Variants in ENG observed in about 807,000 individuals in gnomAD.
ENG encodes CD105 antigen.
In ENG, 17 loss-of-function variants were observed where a neutral mutation model predicts 71.0. That is an observed-to-expected ratio of 0.24 (90% CI 0.16 to 0.36). The LOEUF is 0.36. Among genes scored for constraint, ENG ranks in the 10% least tolerant of loss-of-function variants. The pLI, the probability that ENG is intolerant of heterozygous loss-of-function variation, is 1.00. For missense variants in ENG, 749 were observed against 868.3 expected (o/e 0.86, Z 1.73); for synonymous variants, 360 against 366.9 (o/e 0.98, Z 0.21).
In ENG at chr9:127,824,838, G is replaced by C. The variant is rs1830567408; in HGVS notation, c.953C>G (p.Pro318Arg). The C allele has an allele frequency of 6.3e-7, 1 of 1,596,242 alleles. No homozygotes were observed. The highest frequency in any genetic ancestry group is 8.5e-7 in the Non-Finnish European group (1 of 1,171,310). The change falls in exon 7 of 15, where the codon CCG (proline) becomes CGG (arginine). Residue 318 changes from proline (P) to arginine (R), a missense_variant. Coordinates refer to ENST00000373203, the MANE Select transcript of ENG (RefSeq NM_001114753.3). ...ATGAAGTGAGACAATGCTGGCCAGC[G>C]GTAGCTCCACGAAGGATGCCACAAT... ...ASIVASFVEL[P>R]LASIVSLHAS...
intron 2 of ENG, among the ~76,000 whole-genome samples, chr9:127,831,669 A>T (rs1298671409): frequency 6.8e-6 from 1 of 146,906 alleles, no homozygotes; most frequent in Non-Finnish European, 1.5e-5. Flanking sequence ...ACAGGTGTGA[A>T]CCACCCTGCC....
In ENG at chr9:127,815,236, G is replaced by C. The variant is rs1323560912; in HGVS notation, c.*446C>G. The C allele has an allele frequency of 6.1e-6, 1 of 162,918 alleles. No homozygotes were observed. Among genetic ancestry groups the C allele is most frequent in the Non-Finnish European group, 1.3e-5 (1 of 74,926 alleles). 10.1% of individuals were successfully genotyped at this position (162,918 alleles called of 1,614,324 possible). On this transcript the variant is annotated 3_prime_UTR_variant, in exon 15 of 15. Coordinates refer to ENST00000373203, the MANE Select transcript of ENG (RefSeq NM_001114753.3). ...GCCAGTTAGTTAGGCAAGTTCAGGT[G>C]TGGAGGCCGCAGGGATAGATCCAGG... is the stretch of plus-strand genomic sequence containing the variant.
rs1485769992 is a variant in ENG at position 127,854,383 on chromosome 9, G to A, written c.-28C>T. The A allele has an allele frequency of 1.3e-6, 2 of 1,565,658 alleles. No homozygotes were observed. Among genetic ancestry groups the A allele is most frequent in the Non-Finnish European group, 1.7e-6 (2 of 1,155,358 alleles). On this transcript the variant is annotated 5_prime_UTR_variant, in exon 1 of 15. Coordinates refer to ENST00000373203, the MANE Select transcript of ENG (RefSeq NM_001114753.3). The stretch of plus-strand genomic sequence containing the variant: ...TGTCCACGTGGGGGCCTGTGCGCTG[G>A]GCCTTATCCTGTGTCCAGTGGCAGG...
intron 7 of ENG, 92 bp downstream of exon 7, chr9:127,824,708 T>C: frequency 7.3e-7 from 1 of 1,372,718 alleles, no homozygotes; most frequent in African/African-American, 1.5e-5. Context: ...TGATGTACCT[T>C]GCCCAAGCTC....
At chr9:127,824,622 G>A (rs534497947) in intron 7 of ENG, among the ~76,000 whole-genome samples, 176 bp from the exon 8 acceptor site, 4 of 149,024 alleles carry the variant, frequency 2.7e-5, no homozygotes, top group African/African-American at 7.4e-5. Flanking sequence ...AGGTTCAAGC[G>A]ATTCTCAGGC....
At chr9:127,830,552 C>A (rs945279930) in intron 2 of ENG, among the ~76,000 whole-genome samples, 8 of 151,318 alleles carry the variant, frequency 5.3e-5, no homozygotes, top group Admixed American at 4.0e-4. Flanking sequence ...GAGGCTGAGG[C>A]AGGAGAATCT....
Position 127,820,020 on chromosome 9 carries a change from G to A in ENG, c.1152C>T (p.Ile384=), listed in dbSNP as rs1830434931. The A allele has an allele frequency of 1.2e-6, 2 of 1,614,076 alleles. No individual in the cohort carries two copies. The highest frequency in any genetic ancestry group is 3.3e-4 in the Middle Eastern group (2 of 6,062). Residue 384 remains isoleucine, a synonymous_variant, in exon 9 of 15, where the codon ATC becomes ATT. Coordinates refer to ENST00000373203, the MANE Select transcript of ENG (RefSeq NM_001114753.3). The part of the protein sequence containing the change: ...KELVAHLKCT[I]TGLTFWDPSC... ...TGGGGTCCCAGAAGGTCAGGCCCGTGATGGTGCACTTCAAATGCTGGGTCG... is the reference window on the plus strand; with the variant it reads ...TGGGGTCCCAGAAGGTCAGGCCCGTAATGGTGCACTTCAAATGCTGGGTCG...
chr9:127,853,855 C>G (rs982902486), intron 1 of ENG, among the ~76,000 whole-genome samples: 1 of 152,214 alleles, frequency 6.6e-6, no homozygotes, highest in Non-Finnish European at 1.5e-5. Flanking sequence ...CAGGATCACA[C>G]CACAAGGAAG....
At chr9:127,816,839 T>G (rs2131873243) in intron 13 of ENG, 1 of 484,144 alleles carries the variant, frequency 2.1e-6, no homozygotes, top group East Asian at 3.9e-5. Flanking sequence ...CCCAGGAGAC[T>G]CCATCCTCCC....
At chr9:127,828,929 G>C (rs1168169900) in intron 3 of ENG, among the ~76,000 whole-genome samples, 1 of 151,988 alleles carries the variant, frequency 6.6e-6, no homozygotes, top group African/African-American at 2.4e-5. Context: ...AACAACAGCT[G>C]CTCACATCTG....
chr9:127,830,911 G>C (rs1830750527), intron 2 of ENG, among the ~76,000 whole-genome samples: 1 of 151,982 alleles, frequency 6.6e-6, no homozygotes, highest in Admixed American at 6.6e-5. Context: ...TAAAATCCTG[G>C]GGGGTTGTTT....
chr9:127,839,518 A>C (rs1369558179), intron 2 of ENG, among the ~76,000 whole-genome samples: 1 of 152,190 alleles, frequency 6.6e-6, no homozygotes, highest in Non-Finnish European at 1.5e-5. Context: ...TGCCCTGCTG[A>C]AAATGAATTC....
chr9:127,817,313 T>C, intron 12 of ENG, 110 bp from the exon 13 acceptor site: 5 of 1,110,866 alleles, frequency 4.5e-6, no homozygotes, highest in Non-Finnish European at 5.4e-6. Flanking sequence ...TTGAATCCCA[T>C]CTCCACCGCT....
At position 127,815,629 on chromosome 9, in the gene ENG, C is replaced by G; in HGVS notation, c.*53G>C. The G allele has an allele frequency of 6.5e-7, 1 of 1,535,126 alleles. No individual in the cohort carries two copies. Among genetic ancestry groups the G allele is most frequent in the Non-Finnish European group, 8.7e-7 (1 of 1,146,972 alleles). Reference sequence around the variant, plus strand: ...CCCAGGGTGAGTTCACACCAGTGCTCCCAGCTGGCGGCTGCTCAGTCTCTC... The same window carrying G: ...CCCAGGGTGAGTTCACACCAGTGCTGCCAGCTGGCGGCTGCTCAGTCTCTC... On this transcript the variant is annotated 3_prime_UTR_variant, in exon 15 of 15. Transcript: ENST00000373203.
intron 2 of ENG, among the ~76,000 whole-genome samples, chr9:127,837,748 A>G (rs563589862): frequency 1.8e-4 from 28 of 151,960 alleles, no homozygotes; most frequent in African/African-American, 5.6e-4. Context: ...GCCCTTATCC[A>G]TCCATCCTCT....
At chr9:127,818,619 T>C (rs1830392516) in intron 11 of ENG, 97 bp downstream of exon 11, 12 of 1,452,280 alleles carry the variant, frequency 8.3e-6, no homozygotes, top group Non-Finnish European at 1.2e-5. Context: ...CTCCTGACTC[T>C]GGGAGTCTCA....
At chr9:127,819,453 A>G in intron 10 of ENG, 169 bp downstream of exon 10, 1 of 831,012 alleles carries the variant, frequency 1.2e-6, no homozygotes. Context: ...CAAGAGCGTC[A>G]CCCTCAGCAG....
At chr9:127,851,090 C>A (rs1831271816) in intron 1 of ENG, among the ~76,000 whole-genome samples, 1 of 152,148 alleles carries the variant, frequency 6.6e-6, no homozygotes, top group African/African-American at 2.4e-5. Context: ...TACCACCATA[C>A]TAACGGTACC....
chr9:127,841,614 C>T (rs941647689), intron 2 of ENG, among the ~76,000 whole-genome samples: 5 of 152,178 alleles, frequency 3.3e-5, no homozygotes, highest in East Asian at 3.8e-4. Flanking sequence ...CAGGGTCCCC[C>T]GATATTGGTG....
Sources: gnomAD v4.1 joint callset for allele counts (sites outside exome capture counted in the v4.1 genomes callset) on GRCh38, gnomAD v4.1.1 for gene constraint, MANE v1.5 for transcripts, NCBI Gene and HGNC (gene_info 2026-07-23, HGNC 2026-07-21) for gene names.